Variants in PTPRF observed in about 807,000 individuals in gnomAD.
PTPRF encodes receptor-type tyrosine-protein phosphatase F.
PTPRF carries 59 observed loss-of-function variants against 201.8 expected under a neutral mutation model. The observed-to-expected ratio is 0.29, with a 90% CI of 0.24 to 0.36. PTPRF has a LOEUF of 0.36. PTPRF is among the 10% of genes least tolerant of loss of function. PTPRF has a pLI of 1.00. For synonymous variants in PTPRF, 1,088 were observed against 1,089.7 expected (o/e 1.00, Z 0.03); for missense variants, 2,132 against 2,690.5 (o/e 0.79, Z 4.59).
At chr1:43,584,124 C>T (rs953055462) in intron 7 of PTPRF, among the ~76,000 whole-genome samples, 2 of 152,204 alleles carry the variant, frequency 1.3e-5, no homozygotes, top group Non-Finnish European at 2.9e-5. Context: ...ACCCCCACCA[C>T]TGATGCTGGG....
chr1:43,608,919 C>T (rs1450963669), intron 21 of PTPRF, among the ~76,000 whole-genome samples: 7 of 152,294 alleles, frequency 4.6e-5, no homozygotes, highest in Admixed American at 6.5e-5. Flanking sequence ...ACGCCTTTCC[C>T]GTCCCTCCCC....
chr1:43,578,330 C>A (rs778397537), intron 6 of PTPRF, among the ~76,000 whole-genome samples: 15 of 152,174 alleles, frequency 9.9e-5, no homozygotes, highest in Non-Finnish European at 1.9e-4. Context: ...CCATTCCTTC[C>A]TGGTGGGCGG....
chr1:43,555,442 C>CTTTTTTT (rs986469997), intron 5 of PTPRF, among the ~76,000 whole-genome samples: 66 of 115,524 alleles, frequency 5.7e-4, no homozygotes, highest in Non-Finnish European at 8.7e-4. Flanking sequence ...TATCATTATT[C>CTTTTTTT]TTTTTTTTTT....
chr1:43,619,118 A>T lies in PTPRF; in HGVS notation c.4562A>T (p.Glu1521Val). Residue 1521 changes from glutamate to valine, a missense_variant, in exon 27 of 34, where the codon GAG becomes GTG. By Grantham distance (121) the Glu-to-Val change is moderately radical. Around this residue, in one of 6 missense-constraint regions of PTPRF, gnomAD observed 519 missense variants for 659.5 expected, o/e 0.79. Transcript: ENST00000359947. ...FMAWPDHGVP[E>V]YPTPILAFLR... Reference sequence around the variant, plus strand: ...GCCTGGCCAGACCATGGAGTTCCTGAGTACCCAACTCCCATCCTGGCCTTC... The same window carrying T: ...GCCTGGCCAGACCATGGAGTTCCTGTGTACCCAACTCCCATCCTGGCCTTC... The T allele has an allele frequency of 6.2e-7, 1 of 1,613,846 alleles. No individual in the cohort carries two copies. Among genetic ancestry groups the T allele is most frequent in the East Asian group, 2.2e-5 (1 of 44,854 alleles).
chr1:43,586,734 C>T (rs1649259022), intron 7 of PTPRF, among the ~76,000 whole-genome samples: 1 of 152,208 alleles, frequency 6.6e-6, no homozygotes, highest in Non-Finnish European at 1.5e-5. Context: ...CTGAGCTCTC[C>T]TCTCCTCTGT....
At chr1:43,539,608 T>C (rs752453552) in intron 2 of PTPRF, among the ~76,000 whole-genome samples, 5 of 152,054 alleles carry the variant, frequency 3.3e-5, no homozygotes, top group Non-Finnish European at 5.9e-5. Context: ...AGATGGGCAC[T>C]GGGGTTATGT....
intron 7 of PTPRF, among the ~76,000 whole-genome samples, chr1:43,581,471 A>G (rs144614242): frequency 3.9e-5 from 6 of 152,324 alleles, no homozygotes; most frequent in Middle Eastern, 3.4e-3. Flanking sequence ...CTGCTTTGCC[A>G]AGAGCAACCT....
intron 6 of PTPRF, among the ~76,000 whole-genome samples, chr1:43,572,979 C>G (rs925703707): frequency 6.6e-6 from 1 of 152,106 alleles, no homozygotes; most frequent in Non-Finnish European, 1.5e-5. Flanking sequence ...TGACCAGTAC[C>G]CAGAAGTCCT....
rs552374433 is a variant in PTPRF, at chr1:43,531,247, G to A, written c.-126+157G>A. 2.2e-5 allele frequency among the ~76,000 whole-genome samples: 3 copies of A among 136,540 alleles called. No homozygotes were observed. In the South Asian group the frequency reaches 7.1e-4, roughly 32 times the overall value. 89.6% of individuals were successfully genotyped at this position (136,540 alleles called of 152,430 possible). ...GGCCGCGCCCCCACCTGCCGCGCCCGCAGCCTCGGCGAAGCCCCCCCTCCA... is the reference window on the plus strand; with the variant it reads ...GGCCGCGCCCCCACCTGCCGCGCCCACAGCCTCGGCGAAGCCCCCCCTCCA... On this transcript the variant is annotated intron_variant, in intron 1 of 33. Coordinates refer to ENST00000359947, the MANE Select transcript of PTPRF (RefSeq NM_002840.5).
intron 31 of PTPRF, 110 bp from the exon 32 acceptor site, chr1:43,620,728 G>A: frequency 6.6e-7 from 1 of 1,524,700 alleles, no homozygotes; most frequent in Admixed American, 1.8e-5. Flanking sequence ...GTGGCCTCGG[G>A]TGCAGTGACA....
intron 22 of PTPRF, 49 bp downstream of exon 22, chr1:43,609,547 C>A: frequency 6.8e-7 from 1 of 1,464,498 alleles, no homozygotes; most frequent in South Asian, 1.2e-5. Flanking sequence ...CCTAGCAGGC[C>A]TGTGGGTCTG....
intron 2 of PTPRF, among the ~76,000 whole-genome samples, chr1:43,538,481 G>A (rs1644163309): frequency 6.6e-6 from 1 of 152,204 alleles, no homozygotes; most frequent in Non-Finnish European, 1.5e-5. Context: ...GAGAAGGGAT[G>A]TGAGTGCTAT....
chr1:43,546,299 G>A lies in PTPRF; in HGVS notation c.91+1133G>A, dbSNP rs1464404477. On this transcript the variant is annotated intron_variant, in intron 3 of 33. Transcript: ENST00000359947. The surrounding 1 kb of genome is among the most constrained non-coding windows in gnomAD (Gnocchi z 4.2). Reference sequence around the variant, plus strand: ...GGTGGAGCTAGAAGGGAAAGGAGAAGGGGCAGGCATTCCCAAGGGGTGGGG... The same window carrying A: ...GGTGGAGCTAGAAGGGAAAGGAGAAAGGGCAGGCATTCCCAAGGGGTGGGG... Among the ~76,000 whole-genome samples, 1 of 152,188 alleles carries A rather than the reference G, an allele frequency of 6.6e-6. No individual in the cohort carries two copies. The highest frequency in any genetic ancestry group is 6.5e-5 in the Admixed American group (1 of 15,288).
intron 3 of PTPRF, among the ~76,000 whole-genome samples, chr1:43,552,574 C>T (rs1024003345): frequency 6.6e-6 from 1 of 152,192 alleles, no homozygotes; most frequent in African/African-American, 2.4e-5. Flanking sequence ...TCATTTCTCA[C>T]AGCACTAGCC....
intron 5 of PTPRF, among the ~76,000 whole-genome samples, chr1:43,558,837 C>T (rs1016341031): frequency 6.6e-6 from 1 of 152,124 alleles, no homozygotes; most frequent in African/African-American, 2.4e-5. Context: ...TCTTGGAGCT[C>T]AGTCTGTAAG....
chr1:43,528,045 C>T (rs1030932564), upstream of PTPRF, among the ~76,000 whole-genome samples: 24 of 152,296 alleles, frequency 1.6e-4, no homozygotes, highest in Admixed American at 1.1e-3. Flanking sequence ...CTCCTGCCTG[C>T]AAGGAACTGC....
chr1:43,612,728 G>T, intron 22 of PTPRF: 1 of 1,353,188 alleles, frequency 7.4e-7, no homozygotes, highest in Non-Finnish European at 9.9e-7. Context: ...TTCTTGCCCC[G>T]TTGTTTTTTT....
chr1:43,571,495 G>A (rs542590700), intron 6 of PTPRF, among the ~76,000 whole-genome samples: 2 of 152,342 alleles, frequency 1.3e-5, no homozygotes, highest in African/African-American at 4.8e-5. Flanking sequence ...GATCAGTGAT[G>A]AGTGATGACC....
intron 23 of PTPRF, among the ~76,000 whole-genome samples, chr1:43,617,012 C>A (rs1202339452): frequency 6.6e-6 from 1 of 151,964 alleles, no homozygotes; most frequent in Admixed American, 6.6e-5. Context: ...CTGAGAGGGG[C>A]CACCATCCCT....
Sources: gnomAD v4.1 joint callset for allele counts (sites outside exome capture counted in the v4.1 genomes callset) on GRCh38, gnomAD v4.1.1 for gene constraint, gnomAD v4.1.1 regional missense constraint, Gnocchi (gnomAD v3.1) non-coding constraint, MANE v1.5 for transcripts, NCBI Gene and HGNC (gene_info 2026-07-23, HGNC 2026-07-21) for gene names.